Variants in MIB1 observed in about 807,000 individuals in gnomAD.
MIB1 encodes the protein E3 ubiquitin-protein ligase MIB1.
In MIB1, 278 loss-of-function variants were observed where a neutral mutation model predicts 124.5. That is an observed-to-expected ratio of 2.23 (90% CI 2.02 to 2.47). MIB1 has a LOEUF of 2.47. Among genes scored for constraint, MIB1 ranks in the 30% most tolerant of loss-of-function variants. The pLI is 0.00. For missense variants in MIB1, 957 were observed against 1,254.4 expected, an observed-to-expected ratio of 0.76 and a Z score of 3.58; for synonymous variants, 446 against 429.4, an observed-to-expected ratio of 1.04 and a Z score of -0.48.
chr18:21,855,281 A>C (rs2042216568), intron 18 of MIB1, among the ~76,000 whole-genome samples: 1 of 152,226 alleles, frequency 6.6e-6, no homozygotes, highest in South Asian at 2.1e-4. Context: ...CAGTACCCCC[A>C]TCGCAGTCAT....
At chr18:21,761,565 A>G (rs1447124646) in intron 1 of MIB1, among the ~76,000 whole-genome samples, 1 of 152,190 alleles carries the variant, frequency 6.6e-6, no homozygotes, top group African/African-American at 2.4e-5. Flanking sequence ...TGCTCTTCTT[A>G]GGAGACAATG....
chr18:21,798,065 A>G lies in MIB1; in HGVS notation c.1093-19A>G. 1 of 1,611,638 alleles carries G rather than the reference A, an allele frequency of 6.2e-7. No individual in the cohort carries two copies. Among genetic ancestry groups the G allele is most frequent in the Non-Finnish European group, 8.5e-7 (1 of 1,178,328 alleles). On this transcript the variant is annotated intron_variant, in intron 7 of 20. Transcript: ENST00000261537. ...ATATACTTTAGACTTGGAAACATGAATCTATTTTTTTCCCCAAGACTTTAG... is the reference window on the plus strand; with the variant it reads ...ATATACTTTAGACTTGGAAACATGAGTCTATTTTTTTCCCCAAGACTTTAG...
chr18:21,750,201 C>T (rs1278660646), intron 1 of MIB1, among the ~76,000 whole-genome samples: 1 of 152,158 alleles, frequency 6.6e-6, no homozygotes, highest in Non-Finnish European at 1.5e-5. Flanking sequence ...ATGATCTCAG[C>T]TCACTGCAAC....
At chr18:21,744,101 T>C (rs925913676) in intron 1 of MIB1, among the ~76,000 whole-genome samples, 3 of 149,352 alleles carry the variant, frequency 2.0e-5, no homozygotes, top group African/African-American at 7.3e-5. Flanking sequence ...TTCAGGGTTT[T>C]TTTTTTTTTT....
chr18:21,782,918 A>G (rs1380088344), intron 6 of MIB1, among the ~76,000 whole-genome samples: 1 of 152,104 alleles, frequency 6.6e-6, no homozygotes, highest in Non-Finnish European at 1.5e-5. Context: ...CTTTCCCTTT[A>G]GATCTATTGA....
intron 1 of MIB1, among the ~76,000 whole-genome samples, chr18:21,721,395 G>C (rs912254420): frequency 6.6e-5 from 10 of 151,684 alleles, no homozygotes; most frequent in African/African-American, 9.7e-5. Context: ...TGGACAGGCT[G>C]GTCTTGAACT....
chr18:21,829,237 C>A, intron 12 of MIB1: 1 of 334,588 alleles, frequency 3.0e-6, no homozygotes. Context: ...TTACCTGAAG[C>A]ATGGCATTAA....
At chr18:21,722,999 C>T (rs1320471475) in intron 1 of MIB1, among the ~76,000 whole-genome samples, 6 of 152,154 alleles carry the variant, frequency 3.9e-5, no homozygotes, top group Admixed American at 1.3e-4. Flanking sequence ...TAAGCTCTAC[C>T]TCCTGGAGGA....
chr18:21,818,460 T>A (rs1448311119), intron 11 of MIB1, among the ~76,000 whole-genome samples: 1 of 152,148 alleles, frequency 6.6e-6, no homozygotes, highest in Non-Finnish European at 1.5e-5. Context: ...CTGGTTTTTG[T>A]CATTAGTTAT....
intron 1 of MIB1, among the ~76,000 whole-genome samples, chr18:21,763,984 G>A (rs1392810533): frequency 2.6e-5 from 4 of 151,852 alleles, no homozygotes; most frequent in Non-Finnish European, 5.9e-5. Context: ...AGACTGGAGT[G>A]CAGTGGCATG....
rs780100422 is a variant in MIB1 at position 21,722,306 on chromosome 18, G to A, written n.167+17183G>A. Among the ~76,000 whole-genome samples the A allele has an allele frequency of 1.1e-4, 16 of 151,556 alleles. No individual in the cohort carries two copies. In the East Asian group the frequency reaches 1.9e-3, roughly 18 times the overall value. ...CCTGACCTCGTGATCCACCTGCCTC[G>A]GCCTCCTAAAGTGCTGGGATTACAG... On this transcript the variant is annotated intron_variant and non_coding_transcript_variant, in intron 1 of 20. Coordinates refer to the MIB1 transcript ENST00000578646.
intron 18 of MIB1, among the ~76,000 whole-genome samples, chr18:21,853,890 A>G (rs569939670): frequency 6.6e-6 from 1 of 151,610 alleles, no homozygotes; most frequent in Admixed American, 6.6e-5. Flanking sequence ...TTTTTGGCAC[A>G]GTCTCGCTCT....
At chr18:21,710,435 C>A (rs2040660663) in intron 1 of MIB1, among the ~76,000 whole-genome samples, 1 of 152,030 alleles carries the variant, frequency 6.6e-6, no homozygotes, top group Non-Finnish European at 1.5e-5. Context: ...AAACAAAATT[C>A]ATTCAAATAC....
chr18:21,780,206 A>G (rs2041343023), intron 6 of MIB1, among the ~76,000 whole-genome samples: 1 of 152,206 alleles, frequency 6.6e-6, no homozygotes, highest in Non-Finnish European at 1.5e-5. Flanking sequence ...CAATTGGGGC[A>G]ACCATCAGTA....
At chr18:21,824,390 CTA>C (rs1245596206) in intron 12 of MIB1, among the ~76,000 whole-genome samples, 3 of 152,200 alleles carry the variant, frequency 2.0e-5, no homozygotes, top group South Asian at 4.1e-4. Context: ...GTAAACAAGA[CTA>C]TGTTGGCTAT....
rs144137077 is a variant in MIB1 at position 21,778,854 on chromosome 18, C to T, written c.704-627C>T. Reference sequence around the variant, plus strand: ...TACATTTTTTAATGAGCTCATCTATCTTGCTTTCACAAAACAAGCTTTCTT... The same window carrying T: ...TACATTTTTTAATGAGCTCATCTATTTTGCTTTCACAAAACAAGCTTTCTT... On this transcript the variant is annotated intron_variant, in intron 5 of 20. Transcript: ENST00000261537. 1.7e-3 allele frequency among the ~76,000 whole-genome samples: 251 copies of T among 152,090 alleles called. 1 individual carries two copies. The highest frequency in any genetic ancestry group is 5.9e-3 in the African/African-American group (245 of 41,510).
At chr18:21,832,885 G>A (rs189611516) in intron 12 of MIB1, among the ~76,000 whole-genome samples, 109 of 152,282 alleles carry the variant, frequency 7.2e-4, no homozygotes, top group Middle Eastern at 6.8e-3. Flanking sequence ...TTTTGTTAAT[G>A]ATTTTGTAGC....
chr18:21,815,555 G>A, intron 10 of MIB1, 61 bp from the exon 11 acceptor site: 1 of 1,417,534 alleles, frequency 7.1e-7, no homozygotes, highest in South Asian at 1.2e-5. Flanking sequence ...TATTATTATA[G>A]CTTCAAGGTT....
At position 21,774,040 on chromosome 18, in the gene MIB1, G is replaced by A. The variant is rs917122043; in HGVS notation, c.636+312G>A. ...CTTGACGTGGATGGACCTGGAAGAC[G>A]GTATTATAATGAGGTTTTGTGATAT... On this transcript the variant is annotated intron_variant, in intron 4 of 20. Coordinates refer to ENST00000261537, the MANE Select transcript of MIB1 (RefSeq NM_020774.4). Among the ~76,000 whole-genome samples the A allele has an allele frequency of 2.6e-5, 4 of 152,024 alleles. No individual in the cohort carries two copies. In the East Asian group the frequency reaches 5.8e-4, roughly 22 times the overall value.
Sources: gnomAD v4.1 joint callset for allele counts (sites outside exome capture counted in the v4.1 genomes callset) on GRCh38, gnomAD v4.1.1 for gene constraint, MANE v1.5 for transcripts, NCBI Gene and HGNC (gene_info 2026-07-23, HGNC 2026-07-21) for gene names.